The following SAMMSON variants were observed in gnomAD, a reference collection of about 807,000 sequenced individuals.
SAMMSON encodes survival associated mitochondrial melanoma specific oncogenic non-coding RNA, also known as long intergenic non-protein coding RNA 1212.
At chr3:70,090,790 A>AC (rs1203898190) in intron 4 of SAMMSON, among the ~76,000 whole-genome samples, 2 of 152,094 alleles carry the variant, frequency 1.3e-5, no homozygotes, top group Non-Finnish European at 2.9e-5. Flanking sequence ...AAAAAAAAAA[A>AC]AAACCATTGG....
downstream of SAMMSON, among the ~76,000 whole-genome samples, chr3:70,394,661 A>G (rs1701076721): frequency 2.0e-5 from 3 of 152,198 alleles, no homozygotes; most frequent in Non-Finnish European, 2.9e-5. Flanking sequence ...ACGTTTAACA[A>G]TGATTAAAAT....
chr3:70,333,270 T>A (rs1322492487), intron 7 of SAMMSON, among the ~76,000 whole-genome samples: 1 of 152,082 alleles, frequency 6.6e-6, no homozygotes, highest in Non-Finnish European at 1.5e-5. Flanking sequence ...AACAGAAACA[T>A]GTGACCTGAT....
chr3:70,309,988 C>A (rs1479249474), intron 7 of SAMMSON, among the ~76,000 whole-genome samples: 3 of 152,030 alleles, frequency 2.0e-5, no homozygotes, highest in African/African-American at 7.2e-5. Context: ...ATCTGTAGCA[C>A]AGAGTAATTA....
intron 4 of SAMMSON, among the ~76,000 whole-genome samples, chr3:70,079,459 C>T (rs566029943): frequency 2.0e-5 from 3 of 152,228 alleles, no homozygotes; most frequent in African/African-American, 7.2e-5. Context: ...ATTTTTTTGA[C>T]TTCACGATGG....
intron 4 of SAMMSON, among the ~76,000 whole-genome samples, chr3:70,160,684 C>A (rs1168930414): frequency 6.6e-6 from 1 of 151,902 alleles, no homozygotes; most frequent in Non-Finnish European, 1.5e-5. Context: ...TTTCCCTTTC[C>A]ATATAGATTT....
intron 1 of SAMMSON, among the ~76,000 whole-genome samples, chr3:70,001,080 A>G (rs866170244): frequency 6.6e-5 from 10 of 152,056 alleles, no homozygotes; most frequent in South Asian, 4.1e-4. Context: ...GGGCACATAC[A>G]CAATGAGGCG....
At chr3:70,281,928 T>C (rs1240575286) in intron 6 of SAMMSON, among the ~76,000 whole-genome samples, 1 of 152,178 alleles carries the variant, frequency 6.6e-6, no homozygotes, top group African/African-American at 2.4e-5. Context: ...TGGGTAATTT[T>C]TGATTGTACA....
intron 4 of SAMMSON, among the ~76,000 whole-genome samples, chr3:70,210,398 A>G (rs1701331715): frequency 6.6e-6 from 1 of 152,080 alleles, no homozygotes; most frequent in African/African-American, 2.4e-5. Flanking sequence ...TCTGACATAC[A>G]CACATTTGAG....
chr3:70,113,881 G>A (rs550183777), intron 4 of SAMMSON, among the ~76,000 whole-genome samples: 1 of 152,296 alleles, frequency 6.6e-6, no homozygotes, highest in African/African-American at 2.4e-5. Context: ...CCATGTGAGT[G>A]CACAGTGAGA....
At chr3:70,164,631 C>T (rs188991968) in intron 4 of SAMMSON, among the ~76,000 whole-genome samples, 42 of 152,016 alleles carry the variant, frequency 2.8e-4, no homozygotes, top group Non-Finnish European at 4.7e-4. Context: ...CCGTGAGCTC[C>T]ATAGCCAGAC....
chr3:70,014,685 G>A (rs1257107650), intron 3 of SAMMSON: 1 of 152,192 alleles, frequency 6.6e-6, no homozygotes, highest in African/African-American at 2.4e-5. Flanking sequence ...CAACCACCCT[G>A]TCTTTCCTCC....
intron 2 of SAMMSON, among the ~76,000 whole-genome samples, chr3:70,405,023 C>T (rs960888988): frequency 3.3e-5 from 5 of 151,942 alleles, no homozygotes; most frequent in African/African-American, 1.2e-4. Flanking sequence ...ATAACAACAA[C>T]AAAAAACATC....
intron 7 of SAMMSON, among the ~76,000 whole-genome samples, chr3:70,303,844 T>G (rs1277337457): frequency 1.3e-5 from 2 of 151,898 alleles, no homozygotes; most frequent in Non-Finnish European, 2.9e-5. Flanking sequence ...ACCATGCCTG[T>G]GTAATTTTTT....
intron 4 of SAMMSON, among the ~76,000 whole-genome samples, chr3:70,121,915 C>T (rs186703543): frequency 2.6e-5 from 4 of 152,148 alleles, no homozygotes; most frequent in South Asian, 2.1e-4. Context: ...GTGTTTGAAG[C>T]GGGGTGTTAC....
At chr3:70,427,126 A>G (rs1701376546) in intron 2 of SAMMSON, among the ~76,000 whole-genome samples, 1 of 152,214 alleles carries the variant, frequency 6.6e-6, no homozygotes, top group Non-Finnish European at 1.5e-5. Context: ...TAATTTTAAA[A>G]TGTGATCAGA....
intron 3 of SAMMSON, among the ~76,000 whole-genome samples, chr3:70,026,331 G>A (rs1478489437): frequency 6.6e-6 from 1 of 152,060 alleles, no homozygotes; most frequent in Non-Finnish European, 1.5e-5. Flanking sequence ...TTGAAGGTCA[G>A]GAATTAATTT....
chr3:70,426,618 G>A (rs1391024966), intron 2 of SAMMSON, among the ~76,000 whole-genome samples: 2 of 152,092 alleles, frequency 1.3e-5, no homozygotes, highest in African/African-American at 2.4e-5. Context: ...AGAGTAGCAA[G>A]GTAGCCTGAA....
chr3:70,145,764 T>A (rs6549278), intron 4 of SAMMSON, among the ~76,000 whole-genome samples: 1 of 151,956 alleles, frequency 6.6e-6, no homozygotes, highest in Non-Finnish European at 1.5e-5. Context: ...TCTCAAAGAA[T>A]TAATCTTACC....
chr3:70,083,208 C>T (rs2067272802), intron 4 of SAMMSON, among the ~76,000 whole-genome samples: 1 of 152,128 alleles, frequency 6.6e-6, no homozygotes, highest in East Asian at 1.9e-4. Flanking sequence ...CCAGAATTGG[C>T]CGTCTTGAAA....
Sources: gnomAD v4.1 joint callset for allele counts (sites outside exome capture counted in the v4.1 genomes callset) on GRCh38, gnomAD v4.1.1 for gene constraint, MANE v1.5 for transcripts, NCBI Gene and HGNC (gene_info 2026-07-23, HGNC 2026-07-21) for gene names.